Variants in ADORA2B observed in about 807,000 individuals in gnomAD.
The protein encoded by ADORA2B is adenosine receptor A2b.
A neutral mutation model predicts 20.8 loss-of-function variants in ADORA2B; 18 were observed. That is an observed-to-expected ratio of 0.87 (90% CI 0.60 to 1.29). The LOEUF (loss-of-function observed/expected upper bound fraction) is 1.29, where lower values mean the gene tolerates loss of function less well. Among genes scored for constraint, ADORA2B ranks in the 50% most tolerant of loss-of-function variants. ADORA2B has a pLI of 0.00. For synonymous variants in ADORA2B, 179 were observed against 178.3 expected (o/e 1.00, Z -0.03); for missense variants, 441 against 422.7 (o/e 1.04, Z -0.38).
At chr17:15,860,588 G>T in the ADORA2B span, among the ~76,000 whole-genome samples, 2 of 152,018 alleles carry the variant, frequency 1.3e-5, no homozygotes, top group Non-Finnish European at 2.9e-5. Context: ...TGATGACATC[G>T]TCTTGAAATT....
At chr17:15,921,185 G>C in the ADORA2B span, among the ~76,000 whole-genome samples, 1 of 151,748 alleles carries the variant, frequency 6.6e-6, no homozygotes, top group Non-Finnish European at 1.5e-5. Context: ...CCAGAAAGCA[G>C]ACAAGCTGAG....
upstream of ADORA2B, chr17:15,945,032 C>A: frequency 3.1e-6 from 1 of 324,836 alleles, no homozygotes; most frequent in Non-Finnish European, 5.5e-6. Context: ...CCGCCCAGCC[C>A]GAGACGGGCG....
intron 1 of ADORA2B, among the ~76,000 whole-genome samples, chr17:15,959,520 A>G (rs1394554461): frequency 1.5e-5 from 1 of 65,330 alleles, no homozygotes; most frequent in Admixed American, 2.4e-4. Flanking sequence ...TTTTTTTTTG[A>G]GACAGAGTCT....
intron 1 of ADORA2B, 133 bp from the exon 2 acceptor site, chr17:15,974,546 A>C: frequency 4.1e-6 from 3 of 723,490 alleles, no homozygotes; most frequent in South Asian, 1.9e-5. Context: ...TATTGAGGGT[A>C]AAGGCCTTAG....
chr17:15,885,634 A>G, the ADORA2B span, among the ~76,000 whole-genome samples: 1 of 152,000 alleles, frequency 6.6e-6, no homozygotes, highest in Non-Finnish European at 1.5e-5. Flanking sequence ...GAATTGCTTG[A>G]ACCTGGGAGG....
At chr17:15,930,018 G>GT in the ADORA2B span, among the ~76,000 whole-genome samples, 1 of 152,286 alleles carries the variant, frequency 6.6e-6, no homozygotes, top group East Asian at 1.9e-4. Context: ...GTTAAAAAAT[G>GT]TCAGATTGGG....
chr17:15,864,490 AG>A, the ADORA2B span, among the ~76,000 whole-genome samples: 2 of 151,484 alleles, frequency 1.3e-5, no homozygotes. Flanking sequence ...GCATATGCCC[AG>A]GCACAAGGGA....
chr17:15,882,554 C>T, the ADORA2B span, among the ~76,000 whole-genome samples: 1 of 152,226 alleles, frequency 6.6e-6, no homozygotes, highest in South Asian at 2.1e-4. Context: ...ACTACTGCCT[C>T]GGTGACAGAG....
Position 15,975,312 on chromosome 17 carries a change from G to A in ADORA2B, c.969G>A (p.Gly323=). 1 of 1,612,734 alleles carries A rather than the reference G, an allele frequency of 6.2e-7. No individual in the cohort carries two copies. Among genetic ancestry groups the A allele is most frequent in the Non-Finnish European group, 8.5e-7 (1 of 1,179,950 alleles). ...ADVKSGNGQA[G]VQPALGVGL is the part of the protein sequence containing the mutation. ...TCAAGAGTGGGAATGGTCAGGCTGG[G>A]GTACAGCCTGCTCTCGGTGTGGGCC... Residue 323 remains glycine, a synonymous_variant, in exon 2 of 2, where the codon GGG becomes GGA. Coordinates refer to ENST00000304222, the MANE Select transcript of ADORA2B (RefSeq NM_000676.4).
At chr17:15,940,882 A>G (rs541075228), upstream of ADORA2B, among the ~76,000 whole-genome samples, 16 of 152,352 alleles carry the variant, frequency 1.1e-4, 1 homozygote, top group East Asian at 2.9e-3. Flanking sequence ...TGAGCAAGCA[A>G]TGCTTGCAGC....
chr17:15,964,141 A>G (rs575442433), intron 1 of ADORA2B, among the ~76,000 whole-genome samples: 1 of 152,370 alleles, frequency 6.6e-6, no homozygotes, highest in East Asian at 1.9e-4. Flanking sequence ...GTTTGCCCTC[A>G]GGACGCAGAT....
rs143048791 is a variant in ADORA2B at position 15,968,019 on chromosome 17, G to A, written c.336-6660G>A. Among the ~76,000 whole-genome samples, 172 of 152,250 alleles carry A rather than the reference G, an allele frequency of 1.1e-3. 3 individuals carry two copies. Among genetic ancestry groups the A allele is most frequent in the African/African-American group, 4.0e-3 (166 of 41,540 alleles). ...AGGGGCAGGACCCCTTCTGAAATGC[G>A]GGTCTTATGAGTCACAATCAAACAA... On this transcript the variant is annotated intron_variant, in intron 1 of 1. Transcript: ENST00000304222.
the ADORA2B span, among the ~76,000 whole-genome samples, chr17:15,910,653 G>A: frequency 2.0e-5 from 3 of 152,160 alleles, no homozygotes; most frequent in Non-Finnish European, 4.4e-5. Flanking sequence ...TAGCACATCA[G>A]CTATCATTAG....
At chr17:15,893,499 C>A in the ADORA2B span, among the ~76,000 whole-genome samples, 3 of 151,716 alleles carry the variant, frequency 2.0e-5, no homozygotes, top group African/African-American at 7.3e-5. Context: ...CCCTCCCTCC[C>A]TCCCTCCCTC....
intron 1 of ADORA2B, among the ~76,000 whole-genome samples, chr17:15,965,074 A>C (rs1970098918): frequency 6.9e-6 from 1 of 145,212 alleles, no homozygotes; most frequent in Admixed American, 6.8e-5. Context: ...ACAAACAAAC[A>C]AAATTTCATA....
At chr17:15,872,786 A>T in the ADORA2B span, among the ~76,000 whole-genome samples, 284 of 152,252 alleles carry the variant, frequency 1.9e-3, 2 homozygotes, top group African/African-American at 6.5e-3. Context: ...TTGTTTATGA[A>T]ATCTAAGAGT....
the ADORA2B span, among the ~76,000 whole-genome samples, chr17:15,888,846 ATATATTTTTTTTTTT>A: frequency 1.2e-4 from 2 of 16,222 alleles, no homozygotes; most frequent in African/African-American, 1.0e-3. Flanking sequence ...ATATATATAT[ATATATTTTTTTTTTT>A]TTTTTTTTTT....
chr17:15,964,908 A>T (rs1454041796), intron 1 of ADORA2B, among the ~76,000 whole-genome samples: 2 of 151,936 alleles, frequency 1.3e-5, no homozygotes, highest in Non-Finnish European at 2.9e-5. Flanking sequence ...AAAAATACAA[A>T]AAATTAGCCC....
At chr17:15,867,575 G>T in the ADORA2B span, among the ~76,000 whole-genome samples, 4 of 150,026 alleles carry the variant, frequency 2.7e-5, no homozygotes, top group African/African-American at 9.9e-5. Context: ...GAGGGAGGCG[G>T]GGGTCAGCCC....
Sources: allele counts gnomAD v4.1 joint callset (sites outside exome capture counted in the v4.1 genomes callset), GRCh38; gene constraint gnomAD v4.1.1; transcripts MANE v1.5; gene names NCBI Gene and HGNC (gene_info 2026-07-23, HGNC 2026-07-21).